ACADSB: variants seen among roughly 807,000 people sequenced by gnomAD.
ACADSB encodes the protein acyl-CoA dehydrogenase short/branched chain.
Under a neutral mutation model 54.1 loss-of-function variants are expected in ACADSB, and 40 were observed. The observed-to-expected ratio is 0.74, with a 90% CI of 0.57 to 0.96. ACADSB has a LOEUF of 0.96. Ranked by LOEUF, ACADSB falls within the 40% of genes least tolerant of loss-of-function variation. The probability of loss-of-function intolerance (pLI) is 0.00; values close to 1 mark genes in which losing one functional copy is unlikely to be tolerated. For missense variants in ACADSB, 530 were observed against 510.4 expected (o/e 1.04, Z -0.37); for synonymous variants, 182 against 182.8 (o/e 1.00, Z 0.03).
chr10:123,016,642 G>T (rs1850112682), intron 1 of ACADSB, among the ~76,000 whole-genome samples: 2 of 152,208 alleles, frequency 1.3e-5, no homozygotes, highest in African/African-American at 4.8e-5. Flanking sequence ...TGGGTATGGG[G>T]CATCGGAAGG....
intron 1 of ACADSB, among the ~76,000 whole-genome samples, chr10:123,026,922 G>A (rs910648630): frequency 5.9e-5 from 9 of 152,114 alleles, no homozygotes; most frequent in Non-Finnish European, 2.9e-5. Context: ...GGCTGGATGA[G>A]GATGTGATAA....
At chr10:123,047,431 T>C (rs2133488757) in intron 8 of ACADSB, 133 bp downstream of exon 8, 1 of 700,652 alleles carries the variant, frequency 1.4e-6, no homozygotes, top group South Asian at 1.6e-5. Context: ...GAGGAAAGAA[T>C]AGGTCTCAGG....
At chr10:123,035,847 T>C (rs1366158442) in intron 2 of ACADSB, among the ~76,000 whole-genome samples, 1 of 152,122 alleles carries the variant, frequency 6.6e-6, no homozygotes, top group African/African-American at 2.4e-5. Flanking sequence ...GCATCGAGTC[T>C]CTCTCATCCT....
At chr10:123,046,877 G>A (rs1850567316) in intron 7 of ACADSB, among the ~76,000 whole-genome samples, 1 of 152,144 alleles carries the variant, frequency 6.6e-6, no homozygotes, top group South Asian at 2.1e-4. Context: ...TTTTATACCT[G>A]GAGAATCAAA....
chr10:123,047,324 C>A, intron 8 of ACADSB, 26 bp downstream of exon 8: 1 of 1,438,664 alleles, frequency 7.0e-7, no homozygotes, highest in Non-Finnish European at 9.8e-7. Flanking sequence ...GGTCTTTCTG[C>A]TGTGTTAGAC....
intron 8 of ACADSB, among the ~76,000 whole-genome samples, chr10:123,048,367 C>A (rs1172208464): frequency 6.6e-6 from 1 of 152,146 alleles, no homozygotes; most frequent in Non-Finnish European, 1.5e-5. Flanking sequence ...TGCCTAGGAA[C>A]CTGAAGCACA....
At chr10:123,009,896 T>C (rs1849992342) in intron 1 of ACADSB, among the ~76,000 whole-genome samples, 1 of 152,242 alleles carries the variant, frequency 6.6e-6, no homozygotes, top group Non-Finnish European at 1.5e-5. Flanking sequence ...CACTGGGAAT[T>C]TTCCCACTGC....
intron 1 of ACADSB, among the ~76,000 whole-genome samples, chr10:123,020,875 C>T (rs555672625): frequency 1.8e-4 from 27 of 152,248 alleles, no homozygotes; most frequent in African/African-American, 5.8e-4. Flanking sequence ...TGATGGCACG[C>T]GGCTGTAATC....
rs143226984 is a variant in ACADSB at position 123,049,287 on chromosome 10, C to T, written c.991-1762C>T. On this transcript the variant is annotated intron_variant, in intron 8 of 10. Transcript: ENST00000358776. ...ATGGTCCTTGAGGGTAGAGACCAGC[C>T]TATTCATCTTTATTAATTTCAATTG... Among the ~76,000 whole-genome samples, 524 of 152,292 alleles carry T rather than the reference C, an allele frequency of 3.4e-3. 1 individual carries two copies. Among genetic ancestry groups the T allele is most frequent in the African/African-American group, 0.012 (494 of 41,538 alleles).
chr10:123,046,390 G>T (rs143185853), intron 7 of ACADSB, among the ~76,000 whole-genome samples: 1 of 152,104 alleles, frequency 6.6e-6, no homozygotes, highest in Admixed American at 6.5e-5. Flanking sequence ...ATTTAGAAAC[G>T]ATTTCTAAGC....
chr10:123,016,027 G>A (rs1850105750), intron 1 of ACADSB, among the ~76,000 whole-genome samples: 1 of 152,232 alleles, frequency 6.6e-6, no homozygotes, highest in Non-Finnish European at 1.5e-5. Flanking sequence ...AAATAGCTTA[G>A]TGATAGGCAA....
intron 2 of ACADSB, among the ~76,000 whole-genome samples, chr10:123,036,307 G>A (rs997983398): frequency 6.6e-6 from 1 of 152,222 alleles, no homozygotes. Context: ...GGCTGGTCTC[G>A]AACTCCTGAC....
At chr10:123,049,185 AGTG>A (rs1446941094) in intron 8 of ACADSB, among the ~76,000 whole-genome samples, 2 of 152,238 alleles carry the variant, frequency 1.3e-5, no homozygotes, top group African/African-American at 4.8e-5. Flanking sequence ...GATTAAAGTT[AGTG>A]GAGTTTTTTC....
At chr10:123,040,396 T>C in intron 3 of ACADSB, 70 bp from the exon 4 acceptor site, 1 of 1,289,444 alleles carries the variant, frequency 7.8e-7, no homozygotes. Flanking sequence ...ATTTTTTAAC[T>C]TGTTCATGCA....
intron 1 of ACADSB, among the ~76,000 whole-genome samples, chr10:123,025,457 C>G (rs138158059): frequency 2.0e-5 from 3 of 147,130 alleles, no homozygotes; most frequent in African/African-American, 7.3e-5. Context: ...AAGTGAGACC[C>G]TGTCACGAAA....
chr10:123,037,886 T>C, intron 3 of ACADSB, 39 bp downstream of exon 3: 1 of 1,394,110 alleles, frequency 7.2e-7, no homozygotes. Context: ...GCTTCTATAA[T>C]TAAATTCAGG....
intron 1 of ACADSB, among the ~76,000 whole-genome samples, chr10:123,017,386 C>T (rs1010422846): frequency 6.6e-5 from 10 of 152,180 alleles, no homozygotes; most frequent in African/African-American, 2.4e-4. Flanking sequence ...TGCGTGATCT[C>T]AGCTCACTGC....
chr10:123,040,752 A>C (rs1312725151), intron 4 of ACADSB, 80 bp downstream of exon 4: 2 of 1,355,254 alleles, frequency 1.5e-6, no homozygotes, highest in Non-Finnish European at 2.1e-6. Flanking sequence ...AGTAGCTGCA[A>C]TGTCGACTTT....
chr10:123,044,085 A>G (rs1439723503), intron 6 of ACADSB, among the ~76,000 whole-genome samples: 1 of 144,038 alleles, frequency 6.9e-6, no homozygotes, highest in African/African-American at 2.5e-5. Flanking sequence ...TAGCCTACAG[A>G]TAAGAATTGG....
Sources: allele counts gnomAD v4.1 joint callset (sites outside exome capture counted in the v4.1 genomes callset), GRCh38; gene constraint gnomAD v4.1.1; transcripts MANE v1.5; gene names NCBI Gene and HGNC (gene_info 2026-07-23, HGNC 2026-07-21).